LRRC43: variants seen among roughly 807,000 people sequenced by gnomAD.
The protein encoded by LRRC43 is leucine rich repeat containing 43, also known as leucine-rich repeat-containing protein 43.
LRRC43 carries 62 observed loss-of-function variants against 64.3 expected under a neutral mutation model. The ratio of observed to expected loss-of-function variants is 0.96; its 90% confidence interval spans 0.79 to 1.19. The LOEUF (loss-of-function observed/expected upper bound fraction) is 1.19. LRRC43 is among the 50% of genes most tolerant of loss of function. LRRC43 has a pLI of 0.00. For synonymous variants in LRRC43, 422 were observed against 382.3 expected (o/e 1.10, Z -1.21); for missense variants, 868 against 845.0 (o/e 1.03, Z -0.34).
chr12:122,197,251 C>T (rs1202076633), intron 7 of LRRC43, among the ~76,000 whole-genome samples: 1 of 152,184 alleles, frequency 6.6e-6, no homozygotes, highest in African/African-American at 2.4e-5. Context: ...ACCTCTGGCT[C>T]CTGGGTTCAA....
chr12:122,186,860 A>C (rs1282931878), intron 3 of LRRC43, among the ~76,000 whole-genome samples: 1 of 152,200 alleles, frequency 6.6e-6, no homozygotes, highest in Non-Finnish European at 1.5e-5. Context: ...CAAGGGTTGC[A>C]GTGAGCCGAG....
chr12:122,176,697 C>T (rs1953540085), intron 1 of LRRC43, among the ~76,000 whole-genome samples: 1 of 151,554 alleles, frequency 6.6e-6, no homozygotes, highest in African/African-American at 2.4e-5. Context: ...CTTTGTCGCA[C>T]AGGCAGGAGT....
upstream of LRRC43, among the ~76,000 whole-genome samples, chr12:122,181,537 C>G (rs887740711): frequency 2.0e-5 from 3 of 146,678 alleles, no homozygotes; most frequent in Non-Finnish European, 3.0e-5. Flanking sequence ...AGGGAGACTC[C>G]GTCTCAAAAA....
chr12:122,184,580 A>AG lies in LRRC43; in HGVS notation c.214dup (p.Asp72GlyfsTer72). 6.2e-7 allele frequency: 1 copy of AG among 1,613,790 alleles called. No individual in the cohort carries two copies. The highest frequency in any genetic ancestry group is 8.5e-7 in the Non-Finnish European group (1 of 1,179,824). ...TGGAGGGAGCTTGTCCCCAGAGAGG[A>AG]GGATGTGGTGAGCCCCGGAGAGGAG... On this transcript the variant is annotated frameshift_variant, in exon 2 of 12. Transcript: ENST00000339777. LOFTEE classifies it high-confidence loss of function. This position sits in a 1 kb window ranked among gnomAD's most constrained non-coding sequence, Gnocchi z 4.0.
rs369983108 is a variant in LRRC43, at chr12:122,200,510, G to T, written c.1492-22G>T. 3.1e-6 allele frequency: 5 copies of T among 1,613,884 alleles called. No individual in the cohort carries two copies. The Admixed American group carries it at 8.3e-5, about 27-fold the overall frequency. ...AGCCCGCCTGGGCCTCTGCTCACTCGAGGATTCTCTCCTGCCCCTAGATTC... is the reference window on the plus strand; with the variant it reads ...AGCCCGCCTGGGCCTCTGCTCACTCTAGGATTCTCTCCTGCCCCTAGATTC... On this transcript the variant is annotated intron_variant, in intron 8 of 11. Transcript: ENST00000339777. This position sits in a 1 kb window ranked among gnomAD's most constrained non-coding sequence, Gnocchi z 4.6.
chr12:122,192,917 C>T lies in LRRC43; in HGVS notation c.1262C>T (p.Ser421Leu), dbSNP rs201663367. The T allele has an allele frequency of 9.9e-6, 16 of 1,614,062 alleles. No individual in the cohort carries two copies. The highest frequency in any genetic ancestry group is 6.7e-5 in the East Asian group (3 of 44,878). ...GAGCTGTCTGTCATCTCGGGGCCTT[C>T]GACCATCTTGCAGATGCCGAGGGCC... The part of the protein sequence containing the change: ...ESELSVISGP[S>L]TILQMPRASA... Residue 421 changes from serine (S) to leucine (L), a missense_variant, in exon 7 of 12, where the codon TCG (serine) becomes TTG (leucine). Physicochemically the swap from Ser to Leu is moderately radical, Grantham distance 145. Transcript: ENST00000339777.
chr12:122,192,599 A>G (rs1215801022), intron 6 of LRRC43, 146 bp from the exon 7 acceptor site: 3 of 849,340 alleles, frequency 3.5e-6, no homozygotes, highest in Non-Finnish European at 5.5e-6. Flanking sequence ...TGGGTTTCTA[A>G]GCGCCTTCCT....
chr12:122,169,703 G>C (rs1165567798), intron 1 of LRRC43, among the ~76,000 whole-genome samples: 1 of 125,992 alleles, frequency 7.9e-6, no homozygotes, highest in Non-Finnish European at 1.6e-5. Flanking sequence ...GCGACAGAGC[G>C]AGACTCCGTC....
chr12:122,189,630 C>CT, intron 4 of LRRC43: 2 of 376,694 alleles, frequency 5.3e-6, no homozygotes, highest in Non-Finnish European at 1.1e-5. Flanking sequence ...CCCAGTCTGG[C>CT]TTTGAGAAGC....
rs1050606223 is a variant in LRRC43 at position 122,190,371 on chromosome 12, G to C, written c.901+3G>C. 3 of 1,609,970 alleles carry C rather than the reference G, an allele frequency of 1.9e-6. No homozygotes were observed. In the South Asian group the frequency reaches 3.3e-5, roughly 18 times the overall value. ...CCGGGGGCTCAGCCTCAATGGCGGT[G>C]AGGGTACTGGCATGCAGGGAGGGGG... On this transcript the variant is annotated splice_donor_region_variant and intron_variant, in intron 5 of 11. Transcript: ENST00000339777.
intron 1 of LRRC43, among the ~76,000 whole-genome samples, chr12:122,173,661 GTGACAGAGT>G (rs1953509499): frequency 6.6e-6 from 1 of 151,134 alleles, no homozygotes; most frequent in Admixed American, 6.6e-5. Context: ...TCCAGCCTGG[GTGACAGAGT>G]AAGACTCTGT....
At chr12:122,180,178 AT>A (rs966573906), upstream of LRRC43, among the ~76,000 whole-genome samples, 1 of 152,022 alleles carries the variant, frequency 6.6e-6, no homozygotes, top group Non-Finnish European at 1.5e-5. Flanking sequence ...GTTTGAATAA[AT>A]TTTTGGTGTG....
chr12:122,171,643 G>A (rs1200853502), intron 1 of LRRC43, among the ~76,000 whole-genome samples: 1 of 152,044 alleles, frequency 6.6e-6, no homozygotes, highest in Non-Finnish European at 1.5e-5. Flanking sequence ...TATCTGATCT[G>A]TGTTACAACC....
intron 7 of LRRC43, among the ~76,000 whole-genome samples, chr12:122,196,656 C>CCTG (rs1194647264): frequency 1.3e-5 from 2 of 152,064 alleles, no homozygotes; most frequent in Non-Finnish European, 2.9e-5. Flanking sequence ...GTAATCCCAG[C>CCTG]TACTCAGGAG....
At chr12:122,191,766 T>G (rs1212699968) in intron 6 of LRRC43, among the ~76,000 whole-genome samples, 199 bp downstream of exon 6, 3 of 151,956 alleles carry the variant, frequency 2.0e-5, no homozygotes, top group African/African-American at 7.3e-5. Flanking sequence ...GCAATTCTCC[T>G]GCCTCAGATC....
intron 2 of LRRC43, among the ~76,000 whole-genome samples, chr12:122,185,222 C>T (rs202154913): frequency 1.3e-5 from 2 of 152,288 alleles, no homozygotes; most frequent in East Asian, 1.9e-4. Flanking sequence ...TGCTTGTAAT[C>T]TCAGCACTTT....
At chr12:122,182,983 C>G (rs769282535), upstream of LRRC43, 217 of 1,183,814 alleles carry the variant, frequency 1.8e-4, 3 homozygotes, top group South Asian at 3.4e-3. Context: ...CAGCTGTTAT[C>G]CCATTTTTAT....
chr12:122,175,507 T>C (rs1214336221), intron 1 of LRRC43, among the ~76,000 whole-genome samples: 1 of 90,586 alleles, frequency 1.1e-5, no homozygotes, highest in Admixed American at 1.3e-4. Context: ...TTTTTCTTTC[T>C]TTTTTTTTTT....
At chr12:122,186,612 A>G (rs1406024204) in intron 3 of LRRC43, among the ~76,000 whole-genome samples, 1 of 152,164 alleles carries the variant, frequency 6.6e-6, no homozygotes, top group East Asian at 1.9e-4. Flanking sequence ...AAACAGATGA[A>G]TGGATAAACA....
Sources: allele counts gnomAD v4.1 joint callset (sites outside exome capture counted in the v4.1 genomes callset), GRCh38; gene constraint gnomAD v4.1.1; non-coding constraint Gnocchi (gnomAD v3.1); transcripts MANE v1.5; gene names NCBI Gene and HGNC (gene_info 2026-07-23, HGNC 2026-07-21).